PIK3AP1: variants seen among roughly 807,000 people sequenced by gnomAD.
PIK3AP1 encodes the protein phosphoinositide-3-kinase adaptor protein 1.
PIK3AP1 carries 21 observed loss-of-function variants against 88.1 expected under a neutral mutation model. The ratio of observed to expected loss-of-function variants is 0.24; its 90% confidence interval spans 0.17 to 0.34. PIK3AP1 has a LOEUF of 0.34. Among genes scored for constraint, PIK3AP1 ranks in the 10% least tolerant of loss-of-function variants. The pLI is 1.00. For synonymous variants in PIK3AP1, 398 were observed against 400.0 expected (o/e 1.00, Z 0.06); for missense variants, 828 against 1,035.7 (o/e 0.80, Z 2.75).
intron 8 of PIK3AP1, 136 bp downstream of exon 8, chr10:96,645,337 T>C: frequency 1.2e-6 from 1 of 825,706 alleles, no homozygotes; most frequent in East Asian, 3.1e-5. Flanking sequence ...AGCCCTAGCT[T>C]TGTGTAAAAC....
intron 2 of PIK3AP1, among the ~76,000 whole-genome samples, chr10:96,665,074 G>A (rs888121976): frequency 2.0e-5 from 3 of 152,166 alleles, no homozygotes; most frequent in African/African-American, 4.8e-5. Context: ...ATGTTTGAGC[G>A]AAGGTACTCT....
intron 8 of PIK3AP1, among the ~76,000 whole-genome samples, chr10:96,643,310 GA>G: frequency 1.3e-5 from 2 of 152,360 alleles, no homozygotes; most frequent in Non-Finnish European, 1.5e-5. Flanking sequence ...TAATGACAGA[GA>G]AATCTGGATT....
intron 2 of PIK3AP1, among the ~76,000 whole-genome samples, chr10:96,687,255 CAAA>C (rs59631566): frequency 2.2e-4 from 12 of 55,324 alleles, no homozygotes; most frequent in African/African-American, 6.1e-4. Context: ...TACTCCATCT[CAAA>C]AAAAAAAAAA....
chr10:96,628,375 C>G (rs1038936241), intron 9 of PIK3AP1, 23 bp downstream of exon 9: 1 of 1,557,302 alleles, frequency 6.4e-7, no homozygotes, highest in Non-Finnish European at 8.9e-7. Flanking sequence ...CTTTTGGCTT[C>G]CCTGCTCATG....
chr10:96,677,578 T>TACACACACACAC (rs35018772), intron 2 of PIK3AP1, among the ~76,000 whole-genome samples: 15 of 121,182 alleles, frequency 1.2e-4, no homozygotes, highest in South Asian at 5.8e-4. Context: ...ACTAAGCACA[T>TACACACACACAC]ACACACACAC....
intron 2 of PIK3AP1, among the ~76,000 whole-genome samples, chr10:96,657,634 T>C (rs1206545678): frequency 6.6e-6 from 1 of 150,840 alleles, no homozygotes; most frequent in African/African-American, 2.5e-5. Flanking sequence ...TTGATAGACC[T>C]ACCTCTGAGG....
At chr10:96,660,547 G>A (rs1343221584) in intron 2 of PIK3AP1, among the ~76,000 whole-genome samples, 1 of 152,172 alleles carries the variant, frequency 6.6e-6, no homozygotes, top group Admixed American at 6.5e-5. Flanking sequence ...TTTCTGGTAG[G>A]AATGCATCCT....
At chr10:96,663,365 C>T (rs1335265106) in intron 2 of PIK3AP1, among the ~76,000 whole-genome samples, 3 of 152,078 alleles carry the variant, frequency 2.0e-5, no homozygotes, top group African/African-American at 2.4e-5. Context: ...CGCGGTGGCT[C>T]ATACCTGTAA....
At chr10:96,699,774 G>C (rs1186805201) in intron 2 of PIK3AP1, among the ~76,000 whole-genome samples, 2 of 152,132 alleles carry the variant, frequency 1.3e-5, no homozygotes, top group Non-Finnish European at 2.9e-5. Flanking sequence ...TGTGACTTTG[G>C]GCAAGTCACT....
intron 2 of PIK3AP1, among the ~76,000 whole-genome samples, chr10:96,677,753 G>A (rs1243316193): frequency 6.6e-6 from 1 of 152,110 alleles, no homozygotes; most frequent in Non-Finnish European, 1.5e-5. Flanking sequence ...ACAAAACATG[G>A]TTTTCACTGT....
At position 96,702,020 on chromosome 10, in the gene PIK3AP1, A is replaced by G. The variant is rs185443486; in HGVS notation, c.430+7547T>C. 4.9e-4 allele frequency among the ~76,000 whole-genome samples: 74 copies of G among 152,358 alleles called. 1 individual carries two copies. Among genetic ancestry groups the G allele is most frequent in the African/African-American group, 1.8e-3 (73 of 41,592 alleles). ...TTTGTGACAATGTGGATGAACCTGGAGGACATTATGCAAAGTGAAATAACC... is the reference window on the plus strand; with the variant it reads ...TTTGTGACAATGTGGATGAACCTGGGGGACATTATGCAAAGTGAAATAACC... On this transcript the variant is annotated intron_variant, in intron 2 of 16. Coordinates refer to ENST00000339364, the MANE Select transcript of PIK3AP1 (RefSeq NM_152309.3).
intron 8 of PIK3AP1, among the ~76,000 whole-genome samples, chr10:96,629,359 T>A (rs1477710015): frequency 1.3e-5 from 2 of 152,020 alleles, no homozygotes; most frequent in African/African-American, 4.8e-5. Flanking sequence ...GGAGAGAGGA[T>A]AACTGGATTC....
rs1302769022 is a variant in PIK3AP1 at position 96,635,344 on chromosome 10, G to T, written c.1376-6851C>A. ...GTTTACACACAAACTGGGTAGCCTT[G>T]TTCTGATATAGACATTATTGAGTCT... On this transcript the variant is annotated intron_variant, in intron 8 of 16. Transcript: ENST00000339364. 2.0e-5 allele frequency among the ~76,000 whole-genome samples: 3 copies of T among 152,148 alleles called. No homozygotes were observed. In the East Asian group the frequency reaches 5.8e-4, roughly 29 times the overall value.
intron 2 of PIK3AP1, among the ~76,000 whole-genome samples, chr10:96,657,412 G>C (rs1564973415): frequency 6.6e-6 from 1 of 152,160 alleles, no homozygotes; most frequent in East Asian, 1.9e-4. Context: ...CCCTCTGGAA[G>C]CAAAAGTGAA....
intron 13 of PIK3AP1, among the ~76,000 whole-genome samples, chr10:96,614,528 G>A (rs2134194948): frequency 6.6e-6 from 1 of 151,960 alleles, no homozygotes; most frequent in South Asian, 2.1e-4. Context: ...CTGACCTTCT[G>A]CGATGGTTAA....
rs1357738314 is a variant in PIK3AP1, at chr10:96,648,773, G to A, written c.1071C>T (p.Thr357=). The change falls in exon 7 of 17, where the codon ACC becomes ACT. Residue 357 remains threonine (T), a synonymous_variant. Transcript: ENST00000339364. ...GLKNLTALLL[T]CPGALQAYSV... ...TGTACGCCTGCAGGGCTCCTGGGCAGGTGAGCAACAAGGCAGTGAGGTTCT... is the reference window on the plus strand; with the variant it reads ...TGTACGCCTGCAGGGCTCCTGGGCAAGTGAGCAACAAGGCAGTGAGGTTCT... 11 of 1,610,004 alleles carry A rather than the reference G, an allele frequency of 6.8e-6. No homozygotes were observed. Among genetic ancestry groups the A allele is most frequent in the Non-Finnish European group, 7.6e-6 (9 of 1,178,436 alleles).
At chr10:96,712,874 A>G (rs922991034) in intron 1 of PIK3AP1, among the ~76,000 whole-genome samples, 1 of 152,272 alleles carries the variant, frequency 6.6e-6, no homozygotes, top group Non-Finnish European at 1.5e-5. Context: ...CTTCCTCTGC[A>G]TACATATGCG....
intron 2 of PIK3AP1, among the ~76,000 whole-genome samples, chr10:96,700,010 C>T (rs369858031): frequency 3.3e-5 from 5 of 152,066 alleles, no homozygotes; most frequent in Admixed American, 2.6e-4. Context: ...AGAAATTGAC[C>T]GATAAAATTC....
chr10:96,605,759 T>A (rs1452915501), intron 14 of PIK3AP1, among the ~76,000 whole-genome samples: 1 of 152,168 alleles, frequency 6.6e-6, no homozygotes, highest in Non-Finnish European at 1.5e-5. Context: ...CGTCAAAATG[T>A]TTCTATAATC....
Sources: allele counts gnomAD v4.1 joint callset (sites outside exome capture counted in the v4.1 genomes callset), GRCh38; gene constraint gnomAD v4.1.1; transcripts MANE v1.5; gene names NCBI Gene and HGNC (gene_info 2026-07-23, HGNC 2026-07-21).